WWC2: variants seen among roughly 807,000 people sequenced by gnomAD.
WWC2 encodes the protein WW and C2 domain containing 2, also known as protein WWC2.
In WWC2, 101 loss-of-function variants were observed where a neutral mutation model predicts 138.5. The observed-to-expected ratio is 0.73, with a 90% CI of 0.62 to 0.86. WWC2 has a LOEUF of 0.86. WWC2 is among the 40% of genes least tolerant of loss of function. The pLI is 0.00. For synonymous variants in WWC2, 558 were observed against 538.4 expected (o/e 1.04, Z -0.50); for missense variants, 1,420 against 1,419.4 (o/e 1.00, Z -0.01).
intron 4 of WWC2, among the ~76,000 whole-genome samples, chr4:183,220,286 G>A (rs1482412211): frequency 1.3e-5 from 2 of 152,120 alleles, no homozygotes; most frequent in Non-Finnish European, 2.9e-5. Flanking sequence ...AACCTAGTGA[G>A]CTATTAAATA....
At chr4:183,310,080 A>G (rs1739159758) in intron 21 of WWC2, among the ~76,000 whole-genome samples, 1 of 152,228 alleles carries the variant, frequency 6.6e-6, no homozygotes, top group South Asian at 2.1e-4. Context: ...GGCAGAGCAC[A>G]GGGGAATTTT....
intron 8 of WWC2, among the ~76,000 whole-genome samples, chr4:183,250,322 G>A (rs1013037645): frequency 1.3e-5 from 2 of 152,172 alleles, no homozygotes; most frequent in African/African-American, 4.8e-5. Flanking sequence ...TTGCTTTGAT[G>A]GAAATATGAT....
intron 2 of WWC2, among the ~76,000 whole-genome samples, chr4:183,202,832 G>A (rs1323710373): frequency 6.6e-6 from 1 of 152,140 alleles, no homozygotes; most frequent in African/African-American, 2.4e-5. Context: ...GTCAAGGCTG[G>A]GGAAAGGAAT....
At chr4:183,263,222 G>A (rs898280413) in intron 11 of WWC2, among the ~76,000 whole-genome samples, 3 of 152,190 alleles carry the variant, frequency 2.0e-5, no homozygotes, top group African/African-American at 7.2e-5. Context: ...TGTATTTGGA[G>A]TGGTATCTAG....
At chr4:183,125,238 C>T (rs1219831237) in intron 1 of WWC2, among the ~76,000 whole-genome samples, 1 of 152,164 alleles carries the variant, frequency 6.6e-6, no homozygotes, top group Non-Finnish European at 1.5e-5. Flanking sequence ...GCAAGTGACT[C>T]AGTTCAAGGG....
At chr4:183,282,540 A>G in intron 17 of WWC2, 168 bp from the exon 18 acceptor site, 1 of 669,810 alleles carries the variant, frequency 1.5e-6, no homozygotes. Context: ...GAGGGTGAAG[A>G]GAGGATTTTT....
intron 14 of WWC2, among the ~76,000 whole-genome samples, 163 bp from the exon 15 acceptor site, chr4:183,268,808 T>G (rs1352811059): frequency 6.6e-6 from 1 of 152,158 alleles, no homozygotes; most frequent in African/African-American, 2.4e-5. Context: ...GGACAGAGCA[T>G]CTATGCAGCT....
At chr4:183,145,866 T>G (rs1157789105) in intron 1 of WWC2, among the ~76,000 whole-genome samples, 1 of 152,200 alleles carries the variant, frequency 6.6e-6, no homozygotes, top group African/African-American at 2.4e-5. Flanking sequence ...CTGTGTAGTT[T>G]ATGGGGCATG....
intron 21 of WWC2, among the ~76,000 whole-genome samples, chr4:183,291,024 A>C (rs76581001): frequency 1.4e-3 from 210 of 152,372 alleles, no homozygotes; most frequent in African/African-American, 4.9e-3. Context: ...ATCCCACCTG[A>C]TAGAAGGAAA....
intron 4 of WWC2, among the ~76,000 whole-genome samples, chr4:183,226,183 G>A (rs1056927176): frequency 1.3e-5 from 2 of 148,354 alleles, no homozygotes; most frequent in African/African-American, 2.5e-5. Context: ...TGCAGCCTCA[G>A]CCTCCCAGAC....
chr4:183,258,547 T>G (rs1435967386), intron 9 of WWC2, among the ~76,000 whole-genome samples: 1 of 152,168 alleles, frequency 6.6e-6, no homozygotes, highest in African/African-American at 2.4e-5. Context: ...AAGTGGCTAG[T>G]TTTTATATCA....
intron 1 of WWC2, among the ~76,000 whole-genome samples, chr4:183,178,591 A>T (rs879910356): frequency 1.3e-5 from 2 of 151,318 alleles, no homozygotes; most frequent in Admixed American, 1.3e-4. Context: ...TAAAAAAAAA[A>T]AAAAAAAGTA....
At chr4:183,128,944 AATTGAGTG>A (rs1732841711) in intron 1 of WWC2, among the ~76,000 whole-genome samples, 1 of 152,218 alleles carries the variant, frequency 6.6e-6, no homozygotes, top group South Asian at 2.1e-4. Context: ...GCATACTAGT[AATTGAGTG>A]ATTTATTATA....
At chr4:183,275,850 G>T (rs750278076) in intron 16 of WWC2, among the ~76,000 whole-genome samples, 1 of 152,112 alleles carries the variant, frequency 6.6e-6, no homozygotes, top group Admixed American at 6.6e-5. Context: ...TAATTCTTCT[G>T]TAAACGTTTC....
At chr4:183,171,695 T>C (rs752321603) in intron 1 of WWC2, among the ~76,000 whole-genome samples, 2 of 152,212 alleles carry the variant, frequency 1.3e-5, no homozygotes, top group Non-Finnish European at 2.9e-5. Flanking sequence ...TGTGACCCAC[T>C]ACTCTCCCCC....
chr4:183,239,169 G>A (rs1201185062), intron 4 of WWC2, among the ~76,000 whole-genome samples: 10 of 152,114 alleles, frequency 6.6e-5, no homozygotes, highest in African/African-American at 2.4e-4. Flanking sequence ...ACAAAAACTA[G>A]CCAGGCGTGG....
Position 183,261,426 on chromosome 4 carries a change from A to G in WWC2, c.1803A>G (p.Glu601=), listed in dbSNP as rs1208298759. Reference sequence around the variant, plus strand: ...ATTTTGCAGATATCAGCCTCATCGAAAATCAGATTTTGCTGGATTCTGATT... The same window carrying G: ...ATTTTGCAGATATCAGCCTCATCGAGAATCAGATTTTGCTGGATTCTGATT... ...SSHFADISLI[E]NQILLDSDSG... The change falls in exon 11 of 23, where the codon GAA becomes GAG. Residue 601 remains glutamate (E), a synonymous_variant. Coordinates refer to ENST00000403733, the MANE Select transcript of WWC2 (RefSeq NM_024949.6). 1 of 1,612,700 alleles carries G rather than the reference A, an allele frequency of 6.2e-7. No individual in the cohort carries two copies. Among genetic ancestry groups the G allele is most frequent in the South Asian group, 1.1e-5 (1 of 90,660 alleles).
intron 1 of WWC2, among the ~76,000 whole-genome samples, chr4:183,141,962 T>G (rs1258717195): frequency 6.6e-6 from 1 of 152,200 alleles, no homozygotes; most frequent in Non-Finnish European, 1.5e-5. Context: ...GACATGTGTT[T>G]AGTAAGTAAC....
intron 1 of WWC2, among the ~76,000 whole-genome samples, chr4:183,110,309 T>C (rs921966776): frequency 6.6e-6 from 1 of 152,208 alleles, no homozygotes; most frequent in Non-Finnish European, 1.5e-5. Flanking sequence ...ACTGACTTTC[T>C]TGTGGCATAT....
Sources: allele counts gnomAD v4.1 joint callset (sites outside exome capture counted in the v4.1 genomes callset), GRCh38; gene constraint gnomAD v4.1.1; transcripts MANE v1.5; gene names NCBI Gene and HGNC (gene_info 2026-07-23, HGNC 2026-07-21).